Variants in MAP3K11 observed in about 807,000 individuals in gnomAD.
The protein encoded by MAP3K11 is SH3 domain-containing proline-rich kinase.
Under a neutral mutation model 84.9 loss-of-function variants are expected in MAP3K11, and 46 were observed. The observed-to-expected ratio is 0.54, with a 90% CI of 0.43 to 0.69. The LOEUF (loss-of-function observed/expected upper bound fraction) is 0.69. MAP3K11 is among the 30% of genes least tolerant of loss of function. MAP3K11 has a pLI of 0.00. For missense variants in MAP3K11, 1,053 were observed against 1,198.3 expected (o/e 0.88, Z 1.79); for synonymous variants, 527 against 514.7 (o/e 1.02, Z -0.32).
intron 8 of MAP3K11, among the ~76,000 whole-genome samples, chr11:65,604,862 A>C (rs1160832610): frequency 6.6e-6 from 1 of 151,808 alleles, no homozygotes; most frequent in African/African-American, 2.4e-5. Context: ...TGGCACAGGG[A>C]CCCACAGGCA....
intron 8 of MAP3K11, chr11:65,605,523 G>A (rs1187322117): frequency 2.2e-6 from 1 of 452,914 alleles, no homozygotes; most frequent in Non-Finnish European, 3.9e-6. Context: ...CTGAGCAAGG[G>A]GATGAGACTC....
Position 65,597,850 on chromosome 11 carries a change from A to C in MAP3K11, c.*441T>G. ...TGGCTGGGGCAGCAGGAAGGCATCCAGAGAGCCCTGGCCCCAGATGACCCC... is the reference window on the plus strand; with the variant it reads ...TGGCTGGGGCAGCAGGAAGGCATCCCGAGAGCCCTGGCCCCAGATGACCCC... On this transcript the variant is annotated 3_prime_UTR_variant, in exon 10 of 10. Transcript: ENST00000309100. 1 of 161,872 alleles carries C rather than the reference A, an allele frequency of 6.2e-6. No individual in the cohort carries two copies. The highest frequency in any genetic ancestry group is 2.4e-5 in the African/African-American group (1 of 41,858). The allele number at this position is 161,872 out of a possible 1,614,324, so 10.0% of individuals were successfully genotyped here. A position where few individuals can be genotyped will look rare whatever the true frequency, so the allele number is the denominator to read the frequency against.
chr11:65,601,509 C>T (rs1302371130), intron 8 of MAP3K11, among the ~76,000 whole-genome samples: 2 of 152,176 alleles, frequency 1.3e-5, no homozygotes, highest in Non-Finnish European at 2.9e-5. Context: ...GCAATCCCAG[C>T]ACTTTGGGAG....
chr11:65,607,006 C>A, intron 5 of MAP3K11: 1 of 587,576 alleles, frequency 1.7e-6, no homozygotes. Context: ...GATGCCCTGG[C>A]GCCGGCCGGC....
chr11:65,604,527 G>A (rs1854486565), intron 8 of MAP3K11, among the ~76,000 whole-genome samples: 1 of 152,252 alleles, frequency 6.6e-6, no homozygotes, highest in Non-Finnish European at 1.5e-5. Flanking sequence ...ACAGGCAAGA[G>A]CAGATCAAAT....
chr11:65,610,892 C>A (rs56397033), intron 1 of MAP3K11: 5,003 of 152,652 alleles, frequency 0.033, 263 homozygotes, highest in African/African-American at 0.11. Flanking sequence ...TAAGCCCCAT[C>A]CTCTGCTTTC....
intron 1 of MAP3K11, chr11:65,610,761 C>T (rs939351817): frequency 6.6e-6 from 1 of 152,268 alleles, no homozygotes; most frequent in Non-Finnish European, 1.5e-5. Context: ...TGGCCACTCT[C>T]CACCTTTTTC....
chr11:65,607,216 C>G, intron 5 of MAP3K11, 54 bp downstream of exon 5: 1 of 1,435,222 alleles, frequency 7.0e-7, no homozygotes, highest in Non-Finnish European at 9.0e-7. Flanking sequence ...AGGCCTGGCT[C>G]CACCCCCACC....
Position 65,605,933 on chromosome 11 carries a change from C to G in MAP3K11, c.1739+13G>C. On this transcript the variant is annotated intron_variant, in intron 7 of 9. Transcript: ENST00000309100. ...CAAATGATGCTGGGTCTGGGGGGCA[C>G]TCAGGTACTCACCTCCCATTCTGGG... The G allele has an allele frequency of 6.2e-7, 1 of 1,604,800 alleles. No individual in the cohort carries two copies. Among genetic ancestry groups the G allele is most frequent in the African/African-American group, 1.3e-5 (1 of 74,510 alleles).
Position 65,613,411 on chromosome 11 carries a change from C to G in MAP3K11, c.346G>C (p.Glu116Gln). Reference protein sequence around the residue: ...PPPCEVASFQELRLEEVIGIG... With the variant: ...PPPCEVASFQQLRLEEVIGIG... ...CCGATCACCTCCTCCAGCCGCAGCT[C>G]CTGGAAGCTGGCCACCTCGCAGGGG... The change falls in exon 1 of 10, where the codon GAG (glutamate) becomes CAG (glutamine). Residue 116 changes from glutamate to glutamine, a missense_variant. Coordinates refer to ENST00000309100, the MANE Select transcript of MAP3K11 (RefSeq NM_002419.4). The G allele has an allele frequency of 6.2e-7, 1 of 1,612,900 alleles. No homozygotes were observed. Among genetic ancestry groups the G allele is most frequent in the Non-Finnish European group, 8.5e-7 (1 of 1,179,880 alleles).
rs1854529125 is a variant in MAP3K11, at chr11:65,607,766, G to T, written c.1120C>A (p.Gln374Lys). 2 of 1,613,492 alleles carry T rather than the reference G, an allele frequency of 1.2e-6. No homozygotes were observed. The highest frequency in any genetic ancestry group is 1.7e-6 in the Non-Finnish European group (2 of 1,179,838). Residue 374 changes from glutamine (Q) to lysine (K), a missense_variant, in exon 4 of 10, where the codon CAG (glutamine) becomes AAG (lysine). Physicochemically the swap from Gln to Lys is moderately conservative, Grantham distance 53 (BLOSUM62 1). Coordinates refer to ENST00000309100, the MANE Select transcript of MAP3K11 (RefSeq NM_002419.4). ...TGTGCCTCCAGCGCCTCCAACTGCT[G>T]CAGGATGGAGGCGAAGTCGGGCCTG... The part of the protein sequence containing the change: ...HRRPDFASIL[Q>K]QLEALEAQVL...
chr11:65,599,758 CG>C lies in MAP3K11; in HGVS notation c.1841del (p.Pro614ArgfsTer27), dbSNP rs1854435770. 2 of 1,593,122 alleles carry C rather than the reference CG, an allele frequency of 1.3e-6. No homozygotes were observed. Among genetic ancestry groups the C allele is most frequent in the African/African-American group, 1.3e-5 (1 of 74,740 alleles). On this transcript the variant is annotated frameshift_variant, in exon 9 of 10. Coordinates refer to ENST00000309100, the MANE Select transcript of MAP3K11 (RefSeq NM_002419.4). LOFTEE classifies it high-confidence loss of function. The part of the protein sequence containing the change: ...STPPALNGNP[P>X]RPSLEPEEPK... ...GCTCCTCGGGCTCCAGGCTAGGCCGCGGGGGGTTACCTGCGGGCAGAGGCGG... is the reference window on the plus strand; with the variant it reads ...GCTCCTCGGGCTCCAGGCTAGGCCGCGGGGGTTACCTGCGGGCAGAGGCGG...
rs1233859090 is a variant in MAP3K11 at position 65,608,058 on chromosome 11, C to G, written c.933G>C (p.Leu311=). ...KGSDVWSFGV[L]LWELLTGEVP... ...CCTCCCCGGTCAGCAGTTCCCACAGCAGCACCCCAAAACTGTGGGCGAGAC... is the reference window on the plus strand; with the variant it reads ...CCTCCCCGGTCAGCAGTTCCCACAGGAGCACCCCAAAACTGTGGGCGAGAC... The change falls in exon 3 of 10, where the codon CTG becomes CTC. Residue 311 remains leucine, a synonymous_variant. Coordinates refer to ENST00000309100, the MANE Select transcript of MAP3K11 (RefSeq NM_002419.4). 1 of 1,614,170 alleles carries G rather than the reference C, an allele frequency of 6.2e-7. No individual in the cohort carries two copies. Among genetic ancestry groups the G allele is most frequent in the South Asian group, 1.1e-5 (1 of 91,092 alleles).
At position 65,598,414 on chromosome 11, in the gene MAP3K11, C is replaced by T. The variant is rs765225812; in HGVS notation, c.2421G>A (p.Pro807=). The change falls in exon 10 of 10, where the codon CCG becomes CCA. Residue 807 remains proline (P), a synonymous_variant. Coordinates refer to ENST00000309100, the MANE Select transcript of MAP3K11 (RefSeq NM_002419.4). The part of the protein sequence containing the change: ...APRRAPWTLF[P]DSDPFWDSPP... ...GGGAGTCCCAGAAGGGGTCTGAGTCCGGGAACAAGGTCCAGGGTGCTCGGC... is the reference window on the plus strand; with the variant it reads ...GGGAGTCCCAGAAGGGGTCTGAGTCTGGGAACAAGGTCCAGGGTGCTCGGC... 54 of 1,590,004 alleles carry T rather than the reference C, an allele frequency of 3.4e-5. No individual in the cohort carries two copies. Among genetic ancestry groups the T allele is most frequent in the South Asian group, 4.6e-5 (4 of 87,522 alleles).
intron 5 of MAP3K11, 192 bp from the exon 6 acceptor site, chr11:65,606,996 G>A (rs1219894382): frequency 6.9e-6 from 4 of 578,438 alleles, no homozygotes; most frequent in Non-Finnish European, 8.7e-6. Context: ...CTGAGTCGGA[G>A]ATGCCCTGGC....
rs761774934 is a variant in MAP3K11 at position 65,598,475 on chromosome 11, C to T, written c.2360G>A (p.Arg787Gln). ...DPWSFVSAGP[R>Q]PSPLPSPQPA... is the part of the protein sequence containing the mutation. ...CTGTGGTGATGGCAGGGGAGAAGGCCGTGGCCCAGCTGACACAAAGCTCCA... is the reference window on the plus strand; with the variant it reads ...CTGTGGTGATGGCAGGGGAGAAGGCTGTGGCCCAGCTGACACAAAGCTCCA... The change falls in exon 10 of 10, where the codon CGG (arginine) becomes CAG (glutamine). Residue 787 changes from arginine to glutamine, a missense_variant. By Grantham distance (43) the Arg-to-Gln change is conservative. This residue lies in a region of MAP3K11 where 583 missense variants were observed against 566.6 expected (regional missense o/e 1.03). Coordinates refer to ENST00000309100, the MANE Select transcript of MAP3K11 (RefSeq NM_002419.4). The T allele has an allele frequency of 9.9e-6, 16 of 1,613,462 alleles. No homozygotes were observed. The highest frequency in any genetic ancestry group is 6.7e-5 in the East Asian group (3 of 44,850).
chr11:65,607,423 C>A lies in MAP3K11; in HGVS notation c.1336G>T (p.Ala446Ser). 1 of 1,498,724 alleles carries A rather than the reference C, an allele frequency of 6.7e-7. No homozygotes were observed. Among genetic ancestry groups the A allele is most frequent in the Non-Finnish European group, 8.8e-7 (1 of 1,132,732 alleles). 92.8% of individuals were successfully genotyped at this position (1,498,724 alleles called of 1,614,324 possible). ...EQLRRREHLL[A>S]QWELEVFERE... is the part of the protein sequence containing the mutation. ...TCGAACACCTCTAGCTCCCACTGGGCCAGCAGGTGCTCGCGCCGCCGCAGC... is the reference window on the plus strand; with the variant it reads ...TCGAACACCTCTAGCTCCCACTGGGACAGCAGGTGCTCGCGCCGCCGCAGC... Residue 446 changes from alanine (A) to serine (S), a missense_variant, in exon 5 of 10, where the codon GCC becomes TCC. Ala to Ser is a moderately conservative substitution (Grantham distance 99, BLOSUM62 1). This residue lies in a region of MAP3K11 where 310 missense variants were observed against 464.5 expected (regional missense o/e 0.67). Coordinates refer to ENST00000309100, the MANE Select transcript of MAP3K11 (RefSeq NM_002419.4).
At chr11:65,612,977 C>T in intron 1 of MAP3K11, 41 bp downstream of exon 1, 1 of 1,512,770 alleles carries the variant, frequency 6.6e-7, no homozygotes, top group African/African-American at 1.4e-5. Flanking sequence ...CAGGTGTGTA[C>T]CAGAGCCATG....
At chr11:65,599,370 G>A in intron 9 of MAP3K11, 24 bp downstream of exon 9, 1 of 1,533,058 alleles carries the variant, frequency 6.5e-7, no homozygotes, top group South Asian at 1.2e-5. Context: ...CATATGTGAA[G>A]CAGGCCGGCT....
Sources: allele counts gnomAD v4.1 joint callset (sites outside exome capture counted in the v4.1 genomes callset), GRCh38; gene constraint gnomAD v4.1.1; regional missense constraint gnomAD v4.1.1; transcripts MANE v1.5; gene names NCBI Gene and HGNC (gene_info 2026-07-23, HGNC 2026-07-21).